The following MYCT1 variants were observed in gnomAD, a reference collection of about 807,000 sequenced individuals.
MYCT1 encodes the protein MYC target 1, also known as myc target protein 1.
In MYCT1, 12 loss-of-function variants were observed where a neutral mutation model predicts 15.0. That is an observed-to-expected ratio of 0.80 (90% CI 0.51 to 1.29). MYCT1 has a LOEUF of 1.29. Ranked by LOEUF, MYCT1 falls within the 50% of genes most tolerant of loss-of-function variation. The pLI is 0.00. For synonymous variants in MYCT1, 104 were observed against 102.7 expected, an observed-to-expected ratio of 1.01 and a Z score of -0.07; for missense variants, 287 against 279.1, an observed-to-expected ratio of 1.03 and a Z score of -0.20.
intron 1 of MYCT1, among the ~76,000 whole-genome samples, chr6:152,718,987 A>G (rs2099724224): frequency 6.6e-6 from 1 of 152,178 alleles, no homozygotes; most frequent in South Asian, 2.1e-4. Flanking sequence ...TGTAACTAAT[A>G]GTTCCCTAAC....
the MYCT1 span, among the ~76,000 whole-genome samples, chr6:152,747,018 T>G: frequency 6.6e-6 from 1 of 152,094 alleles, no homozygotes; most frequent in Non-Finnish European, 1.5e-5. Flanking sequence ...AGGGAAAATT[T>G]ACCTTTATTG....
At chr6:152,715,646 C>T (rs368391602) in intron 1 of MYCT1, among the ~76,000 whole-genome samples, 1 of 152,158 alleles carries the variant, frequency 6.6e-6, no homozygotes, top group African/African-American at 2.4e-5. Context: ...ATTTAGGCTT[C>T]AGAGGTGGGA....
chr6:152,714,212 T>A (rs2099723225), intron 1 of MYCT1, among the ~76,000 whole-genome samples: 1 of 151,854 alleles, frequency 6.6e-6, no homozygotes, highest in Admixed American at 6.6e-5. Context: ...TTCTCTCCTC[T>A]TTCCATCCTT....
chr6:152,718,214 ACTTGT>A (rs2099724076), intron 1 of MYCT1, among the ~76,000 whole-genome samples: 1 of 152,164 alleles, frequency 6.6e-6, no homozygotes. Flanking sequence ...CCAAACTGAA[ACTTGT>A]CATTTAAGAA....
the MYCT1 span, among the ~76,000 whole-genome samples, chr6:152,745,162 C>T: frequency 1.3e-5 from 2 of 152,154 alleles, no homozygotes; most frequent in African/African-American, 2.4e-5. Flanking sequence ...CTGGTTTTAA[C>T]ACTAAGTAGG....
chr6:152,704,259 C>T (rs1204726724), intron 1 of MYCT1, among the ~76,000 whole-genome samples: 5 of 152,126 alleles, frequency 3.3e-5, no homozygotes, highest in African/African-American at 1.2e-4. Flanking sequence ...ACCTTGGCCT[C>T]CCAAAGTGCT....
chr6:152,722,174 G>A lies in MYCT1; in HGVS notation c.629G>A (p.Ser210Asn), dbSNP rs770874202. 1.2e-6 allele frequency: 2 copies of A among 1,614,162 alleles called. No homozygotes were observed. The highest frequency in any genetic ancestry group is 1.7e-6 in the Non-Finnish European group (2 of 1,180,024). ...HSLSRPDYWS[S>N]NSLRVGLSTP... ...CTGAGCCGTCCTGACTACTGGTCCA[G>A]TAACAGTCTTCGAGTGGGCCTTTCA... Residue 210 changes from serine (S) to asparagine (N), a missense_variant, in exon 2 of 2, where the codon AGT (serine) becomes AAT (asparagine). By Grantham distance (46) the Ser-to-Asn change is conservative. Coordinates refer to ENST00000367245, the MANE Select transcript of MYCT1 (RefSeq NM_025107.3).
the MYCT1 span, among the ~76,000 whole-genome samples, chr6:152,745,091 G>A: frequency 2.6e-5 from 4 of 152,232 alleles, no homozygotes; most frequent in East Asian, 5.8e-4. Context: ...TCCTGCCCCC[G>A]TGCTCCATTC....
chr6:152,743,570 G>C, the MYCT1 span, among the ~76,000 whole-genome samples: 1 of 152,154 alleles, frequency 6.6e-6, no homozygotes, highest in African/African-American at 2.4e-5. Context: ...CAACCGTCCC[G>C]GTAAATCCGG....
chr6:152,735,457 C>T, the MYCT1 span, among the ~76,000 whole-genome samples: 912 of 152,152 alleles, frequency 6.0e-3, 6 homozygotes, highest in African/African-American at 0.021. Context: ...AGAGTTAATT[C>T]TTGCTACCGA....
At chr6:152,741,441 T>C in the MYCT1 span, among the ~76,000 whole-genome samples, 1 of 152,210 alleles carries the variant, frequency 6.6e-6, no homozygotes, top group Non-Finnish European at 1.5e-5. Flanking sequence ...TGTTTATTCT[T>C]ATCAGCGCTC....
the MYCT1 span, among the ~76,000 whole-genome samples, chr6:152,731,076 G>GAC: frequency 6.6e-6 from 1 of 151,868 alleles, no homozygotes; most frequent in Non-Finnish European, 1.5e-5. Flanking sequence ...ATAAAAATGA[G>GAC]ACACACACAC....
At chr6:152,729,898 C>G in the MYCT1 span, among the ~76,000 whole-genome samples, 2 of 152,134 alleles carry the variant, frequency 1.3e-5, no homozygotes, top group Non-Finnish European at 2.9e-5. Flanking sequence ...GGGATCCAGA[C>G]AGAGTCAGGC....
intron 1 of MYCT1, among the ~76,000 whole-genome samples, chr6:152,706,540 T>C (rs570262238): frequency 1.3e-5 from 2 of 152,112 alleles, no homozygotes; most frequent in African/African-American, 4.8e-5. Flanking sequence ...GTGTACAAAG[T>C]AGACAAATAT....
chr6:152,700,025 G>A (rs962318386), intron 1 of MYCT1, among the ~76,000 whole-genome samples: 1 of 152,060 alleles, frequency 6.6e-6, no homozygotes, highest in Non-Finnish European at 1.5e-5. Flanking sequence ...TGGAAACATG[G>A]AGAGCAGATA....
the MYCT1 span, among the ~76,000 whole-genome samples, chr6:152,742,678 G>T: frequency 6.6e-6 from 1 of 152,036 alleles, no homozygotes; most frequent in Non-Finnish European, 1.5e-5. Context: ...AATGGAGGCC[G>T]GGCCTTCTTT....
chr6:152,735,001 A>G, the MYCT1 span, among the ~76,000 whole-genome samples: 1 of 152,260 alleles, frequency 6.6e-6, no homozygotes, highest in African/African-American at 2.4e-5. Context: ...CAGATGATTT[A>G]TAAAATCAGG....
chr6:152,700,863 TGTG>T (rs1486266077), intron 1 of MYCT1, among the ~76,000 whole-genome samples: 4 of 152,144 alleles, frequency 2.6e-5, no homozygotes, highest in Non-Finnish European at 5.9e-5. Flanking sequence ...TGGGGGAAGA[TGTG>T]GTTGCAGGAG....
chr6:152,718,143 A>G (rs1047924705), intron 1 of MYCT1, among the ~76,000 whole-genome samples: 10 of 152,118 alleles, frequency 6.6e-5, no homozygotes, highest in Non-Finnish European at 1.5e-4. Flanking sequence ...GTTTGTTGTC[A>G]AATTCCTCTC....
Sources: allele counts gnomAD v4.1 joint callset (sites outside exome capture counted in the v4.1 genomes callset), GRCh38; gene constraint gnomAD v4.1.1; transcripts MANE v1.5; gene names NCBI Gene and HGNC (gene_info 2026-07-23, HGNC 2026-07-21).